FAM20A: variants seen among roughly 807,000 people sequenced by gnomAD.
FAM20A encodes the protein FAM20A golgi associated secretory pathway pseudokinase, also known as pseudokinase FAM20A.
FAM20A carries 42 observed loss-of-function variants against 52.0 expected under a neutral mutation model. The ratio of observed to expected loss-of-function variants is 0.81; its 90% CI spans 0.63 to 1.04. FAM20A has a LOEUF of 1.04. Among genes scored for constraint, FAM20A ranks in the 50% least tolerant of loss-of-function variants. The pLI, the probability that FAM20A is intolerant of heterozygous loss-of-function variation, is 0.00. For synonymous variants in FAM20A, 304 were observed against 298.9 expected (o/e 1.02, Z -0.18); for missense variants, 742 against 712.7 (o/e 1.04, Z -0.47).
At chr17:68,573,837 G>T (rs988185008) in intron 1 of FAM20A, among the ~76,000 whole-genome samples, 8 of 151,484 alleles carry the variant, frequency 5.3e-5, no homozygotes, top group African/African-American at 1.2e-4. Context: ...GCCCAGCCCA[G>T]CTAATTTTTT....
intron 1 of FAM20A, among the ~76,000 whole-genome samples, chr17:68,557,804 C>T (rs2143725099): frequency 6.6e-6 from 1 of 152,250 alleles, no homozygotes; most frequent in East Asian, 1.9e-4. Context: ...ATGAACGTAA[C>T]CCAAGACTGA....
chr17:68,548,828 G>A (rs1207502374), intron 4 of FAM20A, among the ~76,000 whole-genome samples: 2 of 149,282 alleles, frequency 1.3e-5, no homozygotes, highest in Non-Finnish European at 3.0e-5. Flanking sequence ...CGCCTCCCGG[G>A]TTCACGCCAT....
At chr17:68,591,662 T>G (rs1297599215) in intron 1 of FAM20A, 3 of 152,300 alleles carry the variant, frequency 2.0e-5, no homozygotes, top group Non-Finnish European at 2.9e-5. Flanking sequence ...ACAACCGGAC[T>G]GCTGGTCCCA....
intron 1 of FAM20A, among the ~76,000 whole-genome samples, chr17:68,567,109 C>T (rs912588217): frequency 6.6e-6 from 1 of 151,856 alleles, no homozygotes; most frequent in Non-Finnish European, 1.5e-5. Flanking sequence ...TTTCTTCCAG[C>T]TCTCTCAGCA....
At chr17:68,594,739 C>G (rs1278304873) in intron 1 of FAM20A, among the ~76,000 whole-genome samples, 1 of 152,222 alleles carries the variant, frequency 6.6e-6, no homozygotes, top group Non-Finnish European at 1.5e-5. Context: ...GCTCCTATCC[C>G]TTGCCACATG....
intron 1 of FAM20A, among the ~76,000 whole-genome samples, chr17:68,583,882 T>C (rs1489381879): frequency 6.6e-6 from 1 of 151,330 alleles, no homozygotes; most frequent in Admixed American, 6.6e-5. Flanking sequence ...TGAGACTCCA[T>C]CTCAAAAAAA....
In FAM20A at chr17:68,575,789, T is replaced by TACACACACACACACAC. The variant is rs1491430631; in HGVS notation, c.405-20047_405-20046insGTGTGTGTGTGTGTGT. On this transcript the variant is annotated intron_variant, in intron 1 of 10. Transcript: ENST00000592554. ...ATTTTATATATTGTATATTTTATAT[T>TACACACACACACACAC]ATACACACACACACACACACACACA... Among the ~76,000 whole-genome samples, 147 of 41,328 alleles carry TACACACACACACACAC rather than the reference T, an allele frequency of 3.6e-3. 1 individual carries two copies. Among genetic ancestry groups the TACACACACACACACAC allele is most frequent in the Admixed American group, 8.5e-3 (23 of 2,702 alleles). The allele number at this position is 41,328 out of a possible 152,430, so 27.1% of individuals were successfully genotyped here.
chr17:68,584,951 C>T (rs937963451), intron 1 of FAM20A, among the ~76,000 whole-genome samples: 4 of 152,280 alleles, frequency 2.6e-5, no homozygotes, highest in East Asian at 1.9e-4. Context: ...TGGTGAGTTA[C>T]GCTGATAAAG....
chr17:68,551,740 T>A, intron 4 of FAM20A, 133 bp downstream of exon 4: 1 of 586,570 alleles, frequency 1.7e-6, no homozygotes, highest in Non-Finnish European at 3.2e-6. Flanking sequence ...CCCAAACAGT[T>A]CTGTGCTTGG....
At chr17:68,581,581 C>T (rs28516535) in intron 1 of FAM20A, among the ~76,000 whole-genome samples, 17 of 96,094 alleles carry the variant, frequency 1.8e-4, no homozygotes, top group South Asian at 7.1e-4. Context: ...TTCTTTTTTC[C>T]TTTTTTTTTT....
At chr17:68,543,556 G>C in intron 5 of FAM20A, 73 bp downstream of exon 5, 1 of 1,319,846 alleles carries the variant, frequency 7.6e-7, no homozygotes, top group Admixed American at 1.7e-5. Context: ...CCCACCTTGA[G>C]GGTCTGTCTA....
At chr17:68,551,731 C>A in intron 4 of FAM20A, 142 bp downstream of exon 4, 4 of 436,564 alleles carry the variant, frequency 9.2e-6, no homozygotes, top group Middle Eastern at 5.2e-4. Context: ...TATTATCACC[C>A]CAAACAGTTC....
intron 9 of FAM20A, 99 bp downstream of exon 9, chr17:68,539,786 G>T: frequency 9.3e-7 from 1 of 1,070,554 alleles, no homozygotes; most frequent in Non-Finnish European, 1.4e-6. Flanking sequence ...TGGTGGTGGA[G>T]GCCCTCATTT....
In FAM20A at chr17:68,542,740, CTCTAGGA is replaced by C; in HGVS notation, c.875_881del (p.Ile292ArgfsTer88). 6.2e-7 allele frequency: 1 copy of C among 1,614,138 alleles called. No homozygotes were observed. Among genetic ancestry groups the C allele is most frequent in the African/African-American group, 1.3e-5 (1 of 75,050 alleles). ...TCTGCAGGATTTCATTCTTGGTGACCTCTAGGATTTCCTTGGTGACATTTACTATCCT... is the reference window on the plus strand; with the variant it reads ...TCTGCAGGATTTCATTCTTGGTGACCTTTCCTTGGTGACATTTACTATCCT... On this transcript the variant is annotated frameshift_variant, in exon 6 of 11. Coordinates refer to ENST00000592554, the MANE Select transcript of FAM20A (RefSeq NM_017565.4). LOFTEE classifies it high-confidence loss of function.
Position 68,600,219 on chromosome 17 carries a change from C to T in FAM20A, c.404+44G>A. ...TCGAGACTGGGGCGCGGGGAGGCCCCGGCCAGAGCGCCCGCTCTCCCGCGT... is the reference window on the plus strand; with the variant it reads ...TCGAGACTGGGGCGCGGGGAGGCCCTGGCCAGAGCGCCCGCTCTCCCGCGT... On this transcript the variant is annotated intron_variant, in intron 1 of 10. Transcript: ENST00000592554. This position sits in a 1 kb window ranked among gnomAD's most constrained non-coding sequence, Gnocchi z 6.2. 6.5e-7 allele frequency: 1 copy of T among 1,544,216 alleles called. No individual in the cohort carries two copies. Among genetic ancestry groups the T allele is most frequent in the South Asian group, 1.2e-5 (1 of 83,524 alleles).
chr17:68,592,965 G>T (rs1038673714), intron 1 of FAM20A, among the ~76,000 whole-genome samples: 1 of 152,222 alleles, frequency 6.6e-6, no homozygotes, highest in Non-Finnish European at 1.5e-5. Flanking sequence ...TACAGGGATT[G>T]AAAGTCAGGG....
rs2086137525 is a variant in FAM20A, at chr17:68,537,778, T to C, written c.1362-37A>G. Reference sequence around the variant, plus strand: ...AAGTTACAGGAACCAAATAAGCAAATGTAAAGAAAATAACTTGCCTGAACT... The same window carrying C: ...AAGTTACAGGAACCAAATAAGCAAACGTAAAGAAAATAACTTGCCTGAACT... On this transcript the variant is annotated intron_variant, in intron 10 of 10. Transcript: ENST00000592554. This position sits in a 1 kb window ranked among gnomAD's most constrained non-coding sequence, Gnocchi z 4.2. 1 of 1,588,130 alleles carries C rather than the reference T, an allele frequency of 6.3e-7. No homozygotes were observed. The highest frequency in any genetic ancestry group is 8.6e-7 in the Non-Finnish European group (1 of 1,166,396).
chr17:68,535,484 T>C lies in FAM20A; in HGVS notation c.*1993A>G. The C allele has an allele frequency of 2.2e-6, 1 of 454,066 alleles. No homozygotes were observed. Among genetic ancestry groups the C allele is most frequent in the South Asian group, 1.6e-5 (1 of 64,472 alleles). 28.1% of individuals were successfully genotyped at this position (454,066 alleles called of 1,614,324 possible). A position where few individuals can be genotyped will look rare whatever the true frequency, so the allele number is the denominator to read the frequency against. On this transcript the variant is annotated 3_prime_UTR_variant, in exon 11 of 11. Transcript: ENST00000592554. ...ACCATTTTGTGCTATTCTTTGAATG[T>C]TTTTACCCAGATATTTTCCCATTTC...
chr17:68,544,987 A>G (rs527947308), intron 4 of FAM20A, among the ~76,000 whole-genome samples: 1 of 152,308 alleles, frequency 6.6e-6, no homozygotes, highest in East Asian at 1.9e-4. Flanking sequence ...TGCACATTAT[A>G]TTGTATACAT....
Sources: allele counts gnomAD v4.1 joint callset (sites outside exome capture counted in the v4.1 genomes callset), GRCh38; gene constraint gnomAD v4.1.1; non-coding constraint Gnocchi (gnomAD v3.1); transcripts MANE v1.5; gene names NCBI Gene and HGNC (gene_info 2026-07-23, HGNC 2026-07-21).